The following MSL2 variants were observed in gnomAD, a reference collection of about 807,000 sequenced individuals.
MSL2 encodes E3 ubiquitin-protein ligase MSL2.
In MSL2, 2 loss-of-function variants were observed where a neutral mutation model predicts 35.8. The ratio of observed to expected loss-of-function variants is 0.06; its 90% CI spans 0.02 to 0.18. The LOEUF is 0.18. Ranked by LOEUF, MSL2 falls within the 10% of genes least tolerant of loss-of-function variation. The pLI is 1.00. For missense variants in MSL2, 523 were observed against 706.7 expected, an observed-to-expected ratio of 0.74 and a Z score of 2.95; for synonymous variants, 296 against 255.7, an observed-to-expected ratio of 1.16 and a Z score of -1.50.
rs1174512821 is a variant in MSL2, at chr3:136,150,289, A to C, written c.*858T>G. On this transcript the variant is annotated 3_prime_UTR_variant, in exon 2 of 2. Transcript: ENST00000309993. ...CCAGTGGCAATAAGTACAATACACA[A>C]ATCTGGGCAAGTCTGGGAGCATTAT... 1 of 152,292 alleles carries C rather than the reference A, an allele frequency of 6.6e-6. No homozygotes were observed. Among genetic ancestry groups the C allele is most frequent in the African/African-American group, 2.4e-5 (1 of 41,462 alleles). 9.4% of individuals were successfully genotyped at this position (152,292 alleles called of 1,614,324 possible).
chr3:136,182,906 T>A (rs1363157759), intron 1 of MSL2, among the ~76,000 whole-genome samples: 3 of 152,092 alleles, frequency 2.0e-5, no homozygotes, highest in Admixed American at 2.0e-4. Flanking sequence ...AAAGTGAGAA[T>A]CTCACAAGGC....
rs763194878 is a variant in MSL2 at position 136,151,164 on chromosome 3, T to G, written c.1717A>C (p.Met573Leu). ...CCACTGATTTAACAGTCGAATCTCA[T>G]GTCTATAGCTTCATCCAAACTTTTA... is the stretch of plus-strand genomic sequence containing the variant. ...DDKSLDEAID[M>L]RFDC is the part of the protein sequence containing the mutation. Residue 573 changes from methionine (M) to leucine (L), a missense_variant, in exon 2 of 2, where the codon ATG becomes CTG. Met to Leu is a conservative substitution (Grantham distance 15, BLOSUM62 2). This residue lies in a region of MSL2 where 60 missense variants were observed against 75.1 expected (regional missense o/e 0.80). Transcript: ENST00000309993. The surrounding 1 kb of genome is among the most constrained non-coding windows in gnomAD (Gnocchi z 5.2). 6.2e-7 allele frequency: 1 copy of G among 1,611,812 alleles called. No individual in the cohort carries two copies. Among genetic ancestry groups the G allele is most frequent in the Non-Finnish European group, 8.5e-7 (1 of 1,178,078 alleles).
chr3:136,170,700 T>TCA (rs2108076157), intron 1 of MSL2, among the ~76,000 whole-genome samples: 1 of 151,732 alleles, frequency 6.6e-6, no homozygotes, highest in South Asian at 2.1e-4. Context: ...GTAGAGACAT[T>TCA]CACTATGTTG....
intron 1 of MSL2, among the ~76,000 whole-genome samples, chr3:136,193,164 T>A (rs1015528408): frequency 7.9e-5 from 12 of 152,248 alleles, no homozygotes; most frequent in Admixed American, 2.6e-4. Context: ...GGGTTTTTTT[T>A]ATCTTTAATT....
chr3:136,194,188 AATT>A (rs1176060417), intron 1 of MSL2, among the ~76,000 whole-genome samples: 1 of 152,186 alleles, frequency 6.6e-6, no homozygotes, highest in Non-Finnish European at 1.5e-5. Flanking sequence ...AAAAGCAAGT[AATT>A]ATTACACACG....
intron 1 of MSL2, among the ~76,000 whole-genome samples, chr3:136,165,475 C>G (rs1432455666): frequency 6.6e-6 from 1 of 152,138 alleles, no homozygotes; most frequent in Non-Finnish European, 1.5e-5. Flanking sequence ...AAGGCTAAGA[C>G]ATAGTTTTAG....
intron 1 of MSL2, among the ~76,000 whole-genome samples, chr3:136,169,833 G>A (rs1939969765): frequency 6.6e-6 from 1 of 151,926 alleles, no homozygotes; most frequent in South Asian, 2.1e-4. Context: ...AAGGTGGATT[G>A]ATCACTTGAG....
At chr3:136,171,917 C>T (rs922344030) in intron 1 of MSL2, among the ~76,000 whole-genome samples, 1 of 152,044 alleles carries the variant, frequency 6.6e-6, no homozygotes, top group East Asian at 1.9e-4. Context: ...GAGACAGGGT[C>T]CCACTCTGTT....
intron 1 of MSL2, among the ~76,000 whole-genome samples, chr3:136,189,108 C>CAAAAAAAAAAAAAAAAAAA: frequency 2.6e-5 from 1 of 38,610 alleles, no homozygotes; most frequent in African/African-American, 1.0e-4. Context: ...CCTGTCTCTA[C>CAAAAAAAAAAAAAAAAAAA]AAAAAAAAAA....
chr3:136,158,714 C>A (rs1939606207), intron 1 of MSL2, among the ~76,000 whole-genome samples: 1 of 152,172 alleles, frequency 6.6e-6, no homozygotes, highest in South Asian at 2.1e-4. Flanking sequence ...TACAGAAAAT[C>A]TCAAAAAACG....
chr3:136,180,378 G>GTTACTTTTTGAAATACTTTGAA (rs1441359118), intron 1 of MSL2, among the ~76,000 whole-genome samples: 22 of 152,102 alleles, frequency 1.4e-4, no homozygotes, highest in Non-Finnish European at 2.6e-4. Context: ...TCTTTTTAAC[G>GTTACTTTTTGAAATACTTTGAA]TTACTTTTTG....
intron 1 of MSL2, among the ~76,000 whole-genome samples, chr3:136,187,774 CTG>C (rs1452501546): frequency 6.6e-6 from 1 of 152,050 alleles, no homozygotes; most frequent in Non-Finnish European, 1.5e-5. Context: ...GCTTATAACA[CTG>C]ATTTGCAAAT....
intron 1 of MSL2, among the ~76,000 whole-genome samples, chr3:136,186,102 C>T (rs1228646595): frequency 6.6e-6 from 1 of 152,202 alleles, no homozygotes; most frequent in Non-Finnish European, 1.5e-5. Flanking sequence ...CAAACCTAGA[C>T]TACCTCAACT....
At position 136,156,503 on chromosome 3, in the gene MSL2, T is replaced by C. The variant is rs149407671; in HGVS notation, c.143-3765A>G. ...GGCTCCCCCTTTTTTCCCAAAAGCA[T>C]TGTAAAAAGAATGAAGTCTCCTTAG... is the stretch of plus-strand genomic sequence containing the variant. On this transcript the variant is annotated intron_variant, in intron 1 of 1. Coordinates refer to ENST00000309993, the MANE Select transcript of MSL2 (RefSeq NM_018133.4). Among the ~76,000 whole-genome samples the C allele has an allele frequency of 7.3e-4, 111 of 152,244 alleles. No individual in the cohort carries two copies. The East Asian group carries it at 0.018, about 24-fold the overall frequency.
At position 136,170,390 on chromosome 3, in the gene MSL2, C is replaced by T. The variant is rs747165616; in HGVS notation, c.143-17652G>A. 1.2e-3 allele frequency among the ~76,000 whole-genome samples: 184 copies of T among 150,512 alleles called. 1 individual carries two copies. Among genetic ancestry groups the T allele is most frequent in the Admixed American group, 2.6e-3 (39 of 15,072 alleles). ...ACCATTGTTAACTATAGTCATTCTA[C>T]TGTGTGACTGAAGTACAAGACCTTT... On this transcript the variant is annotated intron_variant, in intron 1 of 1. Coordinates refer to ENST00000309993, the MANE Select transcript of MSL2 (RefSeq NM_018133.4).
At chr3:136,190,278 G>A (rs956563647) in intron 1 of MSL2, among the ~76,000 whole-genome samples, 11 of 152,060 alleles carry the variant, frequency 7.2e-5, no homozygotes, top group African/African-American at 2.7e-4. Flanking sequence ...GACCAATAAA[G>A]AAATAGTACA....
chr3:136,165,888 AAG>A (rs1200219168), intron 1 of MSL2, among the ~76,000 whole-genome samples: 3 of 152,142 alleles, frequency 2.0e-5, no homozygotes, highest in African/African-American at 7.2e-5. Flanking sequence ...GGATAACTAA[AAG>A]AGTATAATGG....
chr3:136,170,405 A>AC (rs1939991801), intron 1 of MSL2, among the ~76,000 whole-genome samples: 1 of 151,482 alleles, frequency 6.6e-6, no homozygotes, highest in South Asian at 2.1e-4. Context: ...TGACTGAAGT[A>AC]CAAGACCTTT....
Position 136,151,850 on chromosome 3 carries a change from C to A in MSL2, c.1031G>T (p.Arg344Ile). ...AACTTTCTCACTGTCACTCTCTGAT[C>A]TGGATCGTTTTCTATTCAATTTTGC... is the stretch of plus-strand genomic sequence containing the variant. Reference protein sequence around the residue: ...KIAKLNRKRSRSESDSEKVQP... With the variant: ...KIAKLNRKRSISESDSEKVQP... Residue 344 changes from arginine to isoleucine, a missense_variant, in exon 2 of 2, where the codon AGA (arginine) becomes ATA (isoleucine). Coordinates refer to ENST00000309993, the MANE Select transcript of MSL2 (RefSeq NM_018133.4). This position sits in a 1 kb window ranked among gnomAD's most constrained non-coding sequence, Gnocchi z 5.2. 1 of 1,614,176 alleles carries A rather than the reference C, an allele frequency of 6.2e-7. No individual in the cohort carries two copies. The highest frequency in any genetic ancestry group is 1.1e-5 in the South Asian group (1 of 91,086).
Sources: gnomAD v4.1 joint callset for allele counts (sites outside exome capture counted in the v4.1 genomes callset) on GRCh38, gnomAD v4.1.1 for gene constraint, gnomAD v4.1.1 regional missense constraint, Gnocchi (gnomAD v3.1) non-coding constraint, MANE v1.5 for transcripts, NCBI Gene and HGNC (gene_info 2026-07-23, HGNC 2026-07-21) for gene names.